Variants in C16orf87 observed in about 807,000 individuals in gnomAD.
The protein encoded by C16orf87 is UPF0547 protein C16orf87.
In C16orf87, 13 loss-of-function variants were observed where a neutral mutation model predicts 21.0. That is an observed-to-expected ratio of 0.62 (90% confidence interval 0.40 to 0.98). C16orf87 has a LOEUF of 0.98. C16orf87 is among the 50% of genes least tolerant of loss of function. The pLI is 0.00. For synonymous variants in C16orf87, 49 were observed against 60.2 expected, an observed-to-expected ratio of 0.81 and a Z score of 0.86; for missense variants, 113 against 180.4, an observed-to-expected ratio of 0.63 and a Z score of 2.14.
At chr16:46,816,917 G>T (rs1048989731) in intron 2 of C16orf87, among the ~76,000 whole-genome samples, 2 of 152,138 alleles carry the variant, frequency 1.3e-5, no homozygotes, top group African/African-American at 4.8e-5. Flanking sequence ...GCTTAGATGT[G>T]CAATAAGAAC....
intron 2 of C16orf87, among the ~76,000 whole-genome samples, chr16:46,817,437 A>G (rs1968282924): frequency 6.6e-6 from 1 of 152,170 alleles, no homozygotes. Flanking sequence ...CTGTAATTCC[A>G]GCACTTTGGG....
At chr16:46,810,721 G>T (rs1968055092) in intron 2 of C16orf87, among the ~76,000 whole-genome samples, 1 of 152,146 alleles carries the variant, frequency 6.6e-6, no homozygotes, top group African/African-American at 2.4e-5. Flanking sequence ...TATCCTTGGA[G>T]AATTAATCTG....
intron 2 of C16orf87, among the ~76,000 whole-genome samples, chr16:46,813,202 C>A (rs1222968664): frequency 6.6e-6 from 1 of 152,188 alleles, no homozygotes; most frequent in African/African-American, 2.4e-5. Context: ...ACTTGAATGT[C>A]TCAAAGGCAT....
rs1165628881 is a variant in C16orf87 at position 46,801,232 on chromosome 16, G to A, written c.*1720C>T. 6.6e-6 allele frequency: 1 copy of A among 152,192 alleles called. No homozygotes were observed. Among genetic ancestry groups the A allele is most frequent in the Non-Finnish European group, 1.5e-5 (1 of 68,036 alleles). 9.4% of individuals were successfully genotyped at this position (152,192 alleles called of 1,614,324 possible). On this transcript the variant is annotated 3_prime_UTR_variant, in exon 4 of 4. Transcript: ENST00000285697. Reference sequence around the variant, plus strand: ...AGTTAAGACTCTAAAACGCACACAAGGCTGAGTGCAGTGGCTCATGCCTGT... The same window carrying A: ...AGTTAAGACTCTAAAACGCACACAAAGCTGAGTGCAGTGGCTCATGCCTGT...
chr16:46,807,675 G>A (rs926466671), intron 3 of C16orf87, among the ~76,000 whole-genome samples: 1 of 152,012 alleles, frequency 6.6e-6, no homozygotes, highest in Non-Finnish European at 1.5e-5. Flanking sequence ...TGACTTCATG[G>A]TCTACATAAG....
chr16:46,803,532 T>C (rs767684332), intron 3 of C16orf87, among the ~76,000 whole-genome samples: 15 of 152,092 alleles, frequency 9.9e-5, no homozygotes, highest in Non-Finnish European at 2.2e-4. Flanking sequence ...TCACAGAAAA[T>C]TTGAAAAAGA....
At chr16:46,809,530 T>C (rs1459086105) in intron 3 of C16orf87, 73 bp downstream of exon 3, 2 of 992,148 alleles carry the variant, frequency 2.0e-6, no homozygotes, top group Non-Finnish European at 3.0e-6. Flanking sequence ...GCCTCCACTT[T>C]CTTCACTACT....
intron 3 of C16orf87, among the ~76,000 whole-genome samples, chr16:46,809,145 T>G (rs1239367410): frequency 1.1e-4 from 17 of 151,168 alleles, no homozygotes; most frequent in Non-Finnish European, 2.9e-5. Context: ...AAAAATTAGC[T>G]AGGCATGATG....
rs368374110 is a variant in C16orf87, at chr16:46,803,003, G to A, written c.414C>T (p.Val138=). 3.2e-5 allele frequency: 51 copies of A among 1,605,158 alleles called. No homozygotes were observed. Among genetic ancestry groups the A allele is most frequent in the African/African-American group, 6.7e-5 (5 of 74,626 alleles). ...TTTTTCTATTTATTTCTGCCAAGGC[G>A]ACTGAAAACACGAAAGCCTTTTCAT... ...LSDEKAFVFS[V]ALAEINRKII... The change falls in exon 4 of 4, where the codon GTC becomes GTT. Residue 138 remains valine, a synonymous_variant. Coordinates refer to ENST00000285697, the MANE Select transcript of C16orf87 (RefSeq NM_001001436.4).
Position 46,797,597 on chromosome 16 carries a change from C to A in C16orf87, c.*5355G>T, listed in dbSNP as rs1257359166. ...CTCCTGGACTTAAGCAATCTGCTCG[C>A]CTCGGCCTCCCAGTCCTGGGATTAC... is the stretch of plus-strand genomic sequence containing the variant. On this transcript the variant is annotated 3_prime_UTR_variant, in exon 4 of 4. Transcript: ENST00000285697. 1 of 152,184 alleles carries A rather than the reference C, an allele frequency of 6.6e-6. No individual in the cohort carries two copies. Among genetic ancestry groups the A allele is most frequent in the East Asian group, 1.9e-4 (1 of 5,184 alleles). 9.4% of individuals were successfully genotyped at this position (152,184 alleles called of 1,614,324 possible).
chr16:46,829,160 G>T (rs1012513500), intron 1 of C16orf87, among the ~76,000 whole-genome samples: 1 of 152,250 alleles, frequency 6.6e-6, no homozygotes, highest in African/African-American at 2.4e-5. Flanking sequence ...TAAGAAAAGG[G>T]AGAGAGCTTG....
At chr16:46,826,361 A>T (rs1309472676) in intron 1 of C16orf87, among the ~76,000 whole-genome samples, 1 of 152,228 alleles carries the variant, frequency 6.6e-6, no homozygotes. Context: ...GAAAACTGCA[A>T]TTCCCTTTGT....
intron 2 of C16orf87, among the ~76,000 whole-genome samples, chr16:46,822,700 C>G (rs1478669370): frequency 1.3e-5 from 2 of 152,340 alleles, no homozygotes; most frequent in East Asian, 3.9e-4. Flanking sequence ...CTTTGTCTAA[C>G]TCAGTATTCT....
At chr16:46,825,068 A>G (rs568404423) in intron 1 of C16orf87, among the ~76,000 whole-genome samples, 1 of 152,322 alleles carries the variant, frequency 6.6e-6, no homozygotes, top group Non-Finnish European at 1.5e-5. Flanking sequence ...TGAGTGACCA[A>G]TAGAAAACTG....
intron 2 of C16orf87, among the ~76,000 whole-genome samples, chr16:46,815,424 G>A (rs546223947): frequency 6.6e-6 from 1 of 150,506 alleles, no homozygotes; most frequent in South Asian, 2.1e-4. Context: ...TTAAACTTCT[G>A]TGTATCAAAG....
chr16:46,825,759 A>G (rs947429757), intron 1 of C16orf87, among the ~76,000 whole-genome samples: 8 of 152,028 alleles, frequency 5.3e-5, no homozygotes, highest in Non-Finnish European at 8.8e-5. Context: ...TAAAAAAAAT[A>G]CAAAATTAGC....
In C16orf87 at chr16:46,799,697, C is replaced by G. The variant is rs1967715908; in HGVS notation, c.*3255G>C. 1 of 152,182 alleles carries G rather than the reference C, an allele frequency of 6.6e-6. No homozygotes were observed. The highest frequency in any genetic ancestry group is 1.5e-5 in the Non-Finnish European group (1 of 68,028). 9.4% of individuals were successfully genotyped at this position (152,182 alleles called of 1,614,324 possible). ...CACAGGGTGTTTCTTGCTCTGCCTC[C>G]CAGGCTGGAGTGCAGTGGCAAGATC... On this transcript the variant is annotated 3_prime_UTR_variant, in exon 4 of 4. Coordinates refer to ENST00000285697, the MANE Select transcript of C16orf87 (RefSeq NM_001001436.4).
Position 46,809,601 on chromosome 16 carries a change from A to T in C16orf87, c.346+2T>A. 6.4e-7 allele frequency: 1 copy of T among 1,572,008 alleles called. No individual in the cohort carries two copies. The highest frequency in any genetic ancestry group is 8.7e-7 in the Non-Finnish European group (1 of 1,147,276). Reference sequence around the variant, plus strand: ...AAAAAAAACTGCTTGATTTGTTCATACCTCTTTCTTCCTCATGTTTTTTGG... The same window carrying T: ...AAAAAAAACTGCTTGATTTGTTCATTCCTCTTTCTTCCTCATGTTTTTTGG... On this transcript the variant is annotated splice_donor_variant, in intron 3 of 3. Coordinates refer to ENST00000285697, the MANE Select transcript of C16orf87 (RefSeq NM_001001436.4). LOFTEE classifies it high-confidence loss of function.
At chr16:46,816,978 GAA>G (rs1968265126) in intron 2 of C16orf87, among the ~76,000 whole-genome samples, 1 of 152,204 alleles carries the variant, frequency 6.6e-6, no homozygotes, top group Admixed American at 6.5e-5. Flanking sequence ...GGAAGAAAGA[GAA>G]GAGACTAAAG....
Sources: gnomAD v4.1 joint callset for allele counts (sites outside exome capture counted in the v4.1 genomes callset) on GRCh38, gnomAD v4.1.1 for gene constraint, MANE v1.5 for transcripts, NCBI Gene and HGNC (gene_info 2026-07-23, HGNC 2026-07-21) for gene names.